Variants in SLC16A9 observed in about 807,000 individuals in gnomAD.
The protein encoded by SLC16A9 is monocarboxylate transporter 9.
A neutral mutation model predicts 44.3 loss-of-function variants in SLC16A9; 26 were observed. That is an observed-to-expected ratio of 0.59 (90% CI 0.43 to 0.81). SLC16A9 has a LOEUF of 0.81. SLC16A9 is among the 40% of genes least tolerant of loss of function. The pLI is 0.00. For missense variants in SLC16A9, 559 were observed against 595.8 expected (o/e 0.94, Z 0.64); for synonymous variants, 230 against 225.1 (o/e 1.02, Z -0.19).
intron 1 of SLC16A9, among the ~76,000 whole-genome samples, chr10:59,700,878 C>T (rs1006900291): frequency 6.6e-6 from 1 of 152,144 alleles, no homozygotes; most frequent in Non-Finnish European, 1.5e-5. Context: ...GAACCACTGC[C>T]CCCTTGGCTT....
At chr10:59,679,306 TC>T (rs1381329517) in intron 2 of SLC16A9, among the ~76,000 whole-genome samples, 1 of 152,172 alleles carries the variant, frequency 6.6e-6, no homozygotes, top group African/African-American at 2.4e-5. Context: ...CTTCCATTCT[TC>T]CCATATCAGT....
At chr10:59,666,398 G>C (rs1839619239) in intron 3 of SLC16A9, among the ~76,000 whole-genome samples, 1 of 151,960 alleles carries the variant, frequency 6.6e-6, no homozygotes, top group African/African-American at 2.4e-5. Flanking sequence ...AGAGAAGTCT[G>C]TGTACCTATG....
Position 59,653,658 on chromosome 10 carries a change from TA to T in SLC16A9, c.1351+16del. 3 of 1,594,682 alleles carry T rather than the reference TA, an allele frequency of 1.9e-6. No individual in the cohort carries two copies. Among genetic ancestry groups the T allele is most frequent in the Non-Finnish European group, 2.6e-6 (3 of 1,170,102 alleles). On this transcript the variant is annotated intron_variant, in intron 5 of 5. Coordinates refer to ENST00000395348, the MANE Select transcript of SLC16A9 (RefSeq NM_194298.3). ...GAAGAACAGTAAAATGGGATGATTT[TA>T]AGATAAATATCTTACCAACGATGGG...
intron 3 of SLC16A9, among the ~76,000 whole-genome samples, chr10:59,666,425 A>T (rs542647590): frequency 1.3e-5 from 2 of 152,212 alleles, no homozygotes; most frequent in Middle Eastern, 3.2e-3. Context: ...AAGATCTTTC[A>T]TGAAGTTAGT....
chr10:59,698,281 T>G (rs934370923), intron 1 of SLC16A9, among the ~76,000 whole-genome samples: 3 of 152,042 alleles, frequency 2.0e-5, no homozygotes, highest in Non-Finnish European at 4.4e-5. Context: ...AGAATATGAC[T>G]TTTTTTTCCT....
intron 4 of SLC16A9, among the ~76,000 whole-genome samples, chr10:59,657,095 A>G (rs1033508540): frequency 3.9e-5 from 6 of 152,230 alleles, no homozygotes; most frequent in African/African-American, 9.6e-5. Context: ...AACCAGCTAG[A>G]GATAATCCAT....
intron 1 of SLC16A9, among the ~76,000 whole-genome samples, chr10:59,705,907 C>G (rs1239314761): frequency 1.3e-5 from 2 of 152,176 alleles, no homozygotes; most frequent in African/African-American, 4.8e-5. Flanking sequence ...GTCATAGTCT[C>G]TATAATCTAG....
intron 3 of SLC16A9, among the ~76,000 whole-genome samples, chr10:59,670,646 T>A (rs1051221774): frequency 1.3e-5 from 2 of 152,220 alleles, no homozygotes; most frequent in African/African-American, 4.8e-5. Flanking sequence ...CAGAATTGCA[T>A]CTTACAAATG....
At chr10:59,685,095 C>A (rs533911412) in intron 1 of SLC16A9, among the ~76,000 whole-genome samples, 1 of 152,248 alleles carries the variant, frequency 6.6e-6, no homozygotes, top group African/African-American at 2.4e-5. Flanking sequence ...TAAGCAAAAC[C>A]AAGCAAATAT....
intron 1 of SLC16A9, among the ~76,000 whole-genome samples, chr10:59,704,676 C>T (rs1840600216): frequency 6.6e-6 from 1 of 152,224 alleles, no homozygotes; most frequent in South Asian, 2.1e-4. Context: ...CCCTGTGTCC[C>T]ACACTGTTAC....
intron 1 of SLC16A9, among the ~76,000 whole-genome samples, chr10:59,708,130 CT>C (rs1047242153): frequency 2.0e-5 from 3 of 151,886 alleles, no homozygotes; most frequent in Non-Finnish European, 4.4e-5. Context: ...CTTGCGAGGA[CT>C]TTTTTTTGAT....
intron 1 of SLC16A9, among the ~76,000 whole-genome samples, chr10:59,707,289 G>A (rs1840662764): frequency 1.2e-5 from 1 of 81,878 alleles, no homozygotes; most frequent in Admixed American, 1.2e-4. Flanking sequence ...GAAGGGAAGG[G>A]AAGGGAAGGG....
At chr10:59,682,321 A>G (rs1434444330) in intron 2 of SLC16A9, among the ~76,000 whole-genome samples, 1 of 152,144 alleles carries the variant, frequency 6.6e-6, no homozygotes, top group Non-Finnish European at 1.5e-5. Context: ...CTCTGCTGTC[A>G]CTAAATTTGC....
At chr10:59,705,351 G>A (rs1012513833) in intron 1 of SLC16A9, among the ~76,000 whole-genome samples, 14 of 151,932 alleles carry the variant, frequency 9.2e-5, no homozygotes, top group African/African-American at 3.4e-4. Context: ...ACTATGCCCC[G>A]TTACATGATA....
chr10:59,683,910 T>C (rs1321976530), intron 2 of SLC16A9, among the ~76,000 whole-genome samples, 186 bp downstream of exon 2: 4 of 152,186 alleles, frequency 2.6e-5, no homozygotes, highest in African/African-American at 7.2e-5. Context: ...TGATTTAACA[T>C]CTTAGGGAGT....
chr10:59,700,295 G>A lies in SLC16A9; in HGVS notation c.-37+9184C>T, dbSNP rs140274522. Among the ~76,000 whole-genome samples, 497 of 152,170 alleles carry A rather than the reference G, an allele frequency of 3.3e-3. 1 individual carries two copies. Among genetic ancestry groups the A allele is most frequent in the Non-Finnish European group, 4.6e-3 (314 of 68,000 alleles). On this transcript the variant is annotated intron_variant, in intron 1 of 5. Transcript: ENST00000395348. ...AGTACAGTTATTAGGGTACCTGTTG[G>A]TAGAATGAAAGCTGACAAATGCTGA...
At chr10:59,707,100 A>C (rs1840656392) in intron 1 of SLC16A9, among the ~76,000 whole-genome samples, 1 of 149,822 alleles carries the variant, frequency 6.7e-6, no homozygotes, top group South Asian at 2.1e-4. Context: ...AAAACACAGA[A>C]ATTACCTGGG....
chr10:59,699,901 A>AACACACACACACAC (rs57820696), intron 1 of SLC16A9, among the ~76,000 whole-genome samples: 178 of 147,670 alleles, frequency 1.2e-3, no homozygotes, highest in African/African-American at 4.2e-3. Context: ...CTGCACTGAA[A>AACACACACACACAC]ACACACACAC....
rs1564692927 is a variant in SLC16A9 at position 59,652,966 on chromosome 10, G to A, written c.1352-16C>T. The A allele has an allele frequency of 3.8e-6, 6 of 1,584,020 alleles. No homozygotes were observed. The highest frequency in any genetic ancestry group is 3.8e-5 in the Admixed American group (2 of 52,636). On this transcript the variant is annotated splice_polypyrimidine_tract_variant and intron_variant, in intron 5 of 5. Transcript: ENST00000395348. ...TAAAACCAACCTGAAAAGGCAGTAAGAAAAAAAGTAAGTTTCATGGAAATA... is the reference window on the plus strand; with the variant it reads ...TAAAACCAACCTGAAAAGGCAGTAAAAAAAAAAGTAAGTTTCATGGAAATA...
Sources: gnomAD v4.1 joint callset for allele counts (sites outside exome capture counted in the v4.1 genomes callset) on GRCh38, gnomAD v4.1.1 for gene constraint, MANE v1.5 for transcripts, NCBI Gene and HGNC (gene_info 2026-07-23, HGNC 2026-07-21) for gene names.